The following CSMD1 variants were observed in gnomAD, a reference collection of about 807,000 sequenced individuals.
CSMD1 encodes the protein CUB and Sushi multiple domains 1.
A neutral mutation model predicts 417.5 loss-of-function variants in CSMD1; 213 were observed. The observed-to-expected ratio is 0.51, with a 90% CI of 0.46 to 0.57. The LOEUF is 0.57. Among genes scored for constraint, CSMD1 ranks in the 20% least tolerant of loss-of-function variants. The pLI, the probability that CSMD1 is intolerant of heterozygous loss-of-function variation, is 0.00. For synonymous variants in CSMD1, 2,862 were observed against 1,736.8 expected, an observed-to-expected ratio of 1.65 and a Z score of -16.11; for missense variants, 6,923 against 4,529.7, an observed-to-expected ratio of 1.53 and a Z score of -15.17.
chr8:3,097,925 T>G (rs1244274813), intron 46 of CSMD1, among the ~76,000 whole-genome samples: 1 of 152,244 alleles, frequency 6.6e-6, no homozygotes, highest in Non-Finnish European at 1.5e-5. Context: ...AAATGTATCA[T>G]GAAGATACTA....
At chr8:3,700,989 G>A (rs958292369) in intron 7 of CSMD1, among the ~76,000 whole-genome samples, 5 of 151,284 alleles carry the variant, frequency 3.3e-5, no homozygotes, top group African/African-American at 7.4e-5. Flanking sequence ...GGTGAGGGGC[G>A]ACGGTGGTTT....
chr8:4,604,381 T>TTTTGTGTG (rs1554522664), intron 2 of CSMD1, among the ~76,000 whole-genome samples: 1 of 91,554 alleles, frequency 1.1e-5, no homozygotes, highest in African/African-American at 3.2e-5. Flanking sequence ...ACAAATAGCA[T>TTTTGTGTG]TGTGTGTGTG....
intron 3 of CSMD1, among the ~76,000 whole-genome samples, chr8:4,227,966 C>T (rs1395492333): frequency 6.6e-6 from 1 of 151,374 alleles, no homozygotes; most frequent in African/African-American, 2.4e-5. Flanking sequence ...CAATCCCACA[C>T]CAGGAGACAC....
At chr8:4,268,575 C>T (rs1424909215) in intron 3 of CSMD1, among the ~76,000 whole-genome samples, 1 of 152,012 alleles carries the variant, frequency 6.6e-6, no homozygotes, top group Non-Finnish European at 1.5e-5. Context: ...GATGAATATC[C>T]TCATTTCCAA....
At chr8:3,193,022 C>T (rs1300201419) in intron 33 of CSMD1, among the ~76,000 whole-genome samples, 1 of 152,110 alleles carries the variant, frequency 6.6e-6, no homozygotes, top group Non-Finnish European at 1.5e-5. Flanking sequence ...AGTTTTTCTA[C>T]TTACACTGGA....
intron 1 of CSMD1, among the ~76,000 whole-genome samples, chr8:4,851,696 G>A (rs1202023936): frequency 1.3e-5 from 2 of 152,068 alleles, no homozygotes; most frequent in African/African-American, 4.8e-5. Flanking sequence ...CCATTGTGTG[G>A]CATCGGCAAT....
intron 2 of CSMD1, among the ~76,000 whole-genome samples, chr8:4,434,407 G>T (rs982076573): frequency 1.3e-5 from 2 of 152,130 alleles, no homozygotes; most frequent in African/African-American, 2.4e-5. Context: ...TGAGTGTTTG[G>T]CAGCACAAGC....
At chr8:4,601,016 G>T (rs955416706) in intron 2 of CSMD1, among the ~76,000 whole-genome samples, 1 of 150,742 alleles carries the variant, frequency 6.6e-6, no homozygotes, top group Non-Finnish European at 1.5e-5. Flanking sequence ...GAGTGCAACG[G>T]TGCCATCTCG....
intron 41 of CSMD1, among the ~76,000 whole-genome samples, chr8:3,126,848 G>A (rs867934944): frequency 2.4e-4 from 37 of 152,154 alleles, no homozygotes; most frequent in Non-Finnish European, 4.3e-4. Flanking sequence ...GGGAGGACCA[G>A]CCTGCACATG....
intron 1 of CSMD1, among the ~76,000 whole-genome samples, chr8:4,707,882 G>C (rs1417226210): frequency 4.1e-5 from 4 of 97,316 alleles, no homozygotes; most frequent in Non-Finnish European, 7.9e-5. Flanking sequence ...GCAAGACTTT[G>C]TTTCAAAAAA....
intron 4 of CSMD1, among the ~76,000 whole-genome samples, chr8:4,022,918 G>T (rs895688006): frequency 6.6e-6 from 1 of 152,208 alleles, no homozygotes; most frequent in Non-Finnish European, 1.5e-5. Context: ...AAGCAAGTGT[G>T]CAACTAAGTA....
chr8:2,997,714 A>C (rs1458761965), intron 54 of CSMD1, among the ~76,000 whole-genome samples: 1 of 152,246 alleles, frequency 6.6e-6, no homozygotes, highest in Non-Finnish European at 1.5e-5. Flanking sequence ...CCAAATGCTA[A>C]CTATACAGGG....
intron 3 of CSMD1, among the ~76,000 whole-genome samples, chr8:4,255,533 G>A (rs913756455): frequency 1.2e-4 from 19 of 152,064 alleles, no homozygotes; most frequent in African/African-American, 3.6e-4. Context: ...GTTAAAAGTC[G>A]CAATCACTTT....
intron 2 of CSMD1, among the ~76,000 whole-genome samples, chr8:4,582,172 T>C (rs972233840): frequency 3.3e-5 from 5 of 151,932 alleles, no homozygotes; most frequent in South Asian, 2.1e-4. Context: ...GTAGTGAAAA[T>C]TGACAGACAT....
At chr8:4,656,190 A>G (rs187651820) in intron 1 of CSMD1, among the ~76,000 whole-genome samples, 169 of 152,150 alleles carry the variant, frequency 1.1e-3, no homozygotes, top group African/African-American at 3.9e-3. Flanking sequence ...AACACTGAGG[A>G]AGGACTATTC....
intron 2 of CSMD1, among the ~76,000 whole-genome samples, chr8:4,636,233 T>C (rs1376472369): frequency 6.6e-6 from 1 of 152,170 alleles, no homozygotes; most frequent in Admixed American, 6.5e-5. Context: ...TTGGAAGGGA[T>C]ATTCCTTCTT....
chr8:3,794,680 G>A (rs1461261994), intron 5 of CSMD1, among the ~76,000 whole-genome samples: 5 of 151,716 alleles, frequency 3.3e-5, no homozygotes, highest in African/African-American at 1.2e-4. Flanking sequence ...TATCCTACTG[G>A]AAAAAATCTC....
chr8:3,038,034 C>A (rs1810813202), intron 50 of CSMD1, among the ~76,000 whole-genome samples: 1 of 152,138 alleles, frequency 6.6e-6, no homozygotes, highest in Admixed American at 6.5e-5. Flanking sequence ...GCCCGGCTTT[C>A]TTATTTTTTA....
intron 3 of CSMD1, among the ~76,000 whole-genome samples, chr8:4,116,455 G>C (rs62501351): frequency 0.11 from 13,890 of 126,416 alleles, 1,197 homozygotes; most frequent in South Asian, 0.26. Context: ...GCAGGTGCCT[G>C]AATGGAACAA....
Sources: allele counts gnomAD v4.1 joint callset (sites outside exome capture counted in the v4.1 genomes callset), GRCh38; gene constraint gnomAD v4.1.1; transcripts MANE v1.5; gene names NCBI Gene and HGNC (gene_info 2026-07-23, HGNC 2026-07-21).